ERBB4: variants seen among roughly 807,000 people sequenced by gnomAD.
ERBB4 encodes erb-b2 receptor tyrosine kinase 4, also known as receptor tyrosine-protein kinase erbB-4.
A neutral mutation model predicts 158.0 loss-of-function variants in ERBB4; 42 were observed. The ratio of observed to expected loss-of-function variants is 0.27; its 90% confidence interval spans 0.21 to 0.34. ERBB4 has a LOEUF of 0.34. Among genes scored for constraint, ERBB4 ranks in the 10% least tolerant of loss-of-function variants. The pLI, the probability that ERBB4 is intolerant of heterozygous loss-of-function variation, is 1.00. For missense variants in ERBB4, 1,333 were observed against 1,624.1 expected (o/e 0.82, Z 3.08); for synonymous variants, 583 against 558.7 (o/e 1.04, Z -0.61).
intron 5 of ERBB4, among the ~76,000 whole-genome samples, chr2:211,747,825 T>C (rs1179606423): frequency 6.6e-6 from 1 of 151,766 alleles, no homozygotes; most frequent in Non-Finnish European, 1.5e-5. Context: ...ATATATAATA[T>C]ATAATATGTA....
intron 3 of ERBB4, among the ~76,000 whole-genome samples, chr2:211,882,207 T>TA (rs1210173391): frequency 2.6e-5 from 4 of 151,972 alleles, no homozygotes; most frequent in Non-Finnish European, 5.9e-5. Flanking sequence ...AAAAAAATAA[T>TA]AAAAAAATAA....
chr2:212,010,187 T>C (rs575012913), intron 2 of ERBB4, among the ~76,000 whole-genome samples: 6 of 152,188 alleles, frequency 3.9e-5, no homozygotes, highest in Non-Finnish European at 7.4e-5. Context: ...ATCACAAAGC[T>C]ATATAACCCT....
chr2:211,773,782 G>A (rs1407184828), intron 4 of ERBB4, among the ~76,000 whole-genome samples: 1 of 149,586 alleles, frequency 6.7e-6, no homozygotes, highest in East Asian at 2.0e-4. Flanking sequence ...ATATATAAAG[G>A]AGAAATGTTA....
intron 1 of ERBB4, among the ~76,000 whole-genome samples, chr2:212,261,948 A>G (rs572618000): frequency 6.6e-6 from 1 of 152,286 alleles, no homozygotes; most frequent in South Asian, 2.1e-4. Flanking sequence ...TACAAATGTA[A>G]AAATTTATTT....
chr2:211,953,465 C>CAAAAAAA (rs36024345), intron 2 of ERBB4, among the ~76,000 whole-genome samples: 38 of 85,416 alleles, frequency 4.4e-4, no homozygotes, highest in East Asian at 6.8e-4. Context: ...GGTTTTTCTC[C>CAAAAAAA]AAAAAAAAAA....
intron 20 of ERBB4, among the ~76,000 whole-genome samples, chr2:211,434,776 C>A (rs898184505): frequency 6.6e-6 from 1 of 152,090 alleles, no homozygotes; most frequent in African/African-American, 2.4e-5. Context: ...AGACAGTTTC[C>A]CTCACCCACC....
chr2:211,832,527 T>A (rs1040688575), intron 3 of ERBB4, among the ~76,000 whole-genome samples: 9 of 151,908 alleles, frequency 5.9e-5, no homozygotes, highest in Non-Finnish European at 1.5e-5. Flanking sequence ...TATCAAATAC[T>A]GAAATATGTT....
At chr2:212,056,450 A>C (rs2077572306) in intron 2 of ERBB4, among the ~76,000 whole-genome samples, 1 of 152,172 alleles carries the variant, frequency 6.6e-6, no homozygotes, top group Non-Finnish European at 1.5e-5. Flanking sequence ...ACTCCTCGAG[A>C]AGAGCAGCTC....
chr2:211,995,941 T>G (rs2082191723), intron 2 of ERBB4, among the ~76,000 whole-genome samples: 2 of 152,210 alleles, frequency 1.3e-5, no homozygotes, highest in Admixed American at 1.3e-4. Context: ...AAAAAAGTGT[T>G]CAACATCCAG....
At position 211,750,723 on chromosome 2, in the gene ERBB4, GA is replaced by G. The variant is rs2106209555; in HGVS notation, c.557-20del. 2.5e-6 allele frequency: 4 copies of G among 1,609,254 alleles called. No individual in the cohort carries two copies. The highest frequency in any genetic ancestry group is 2.6e-6 in the Non-Finnish European group (3 of 1,175,672). ...CGTCCACCTGCAGAACACGAAAAGGGAAAAAGGACATGCACGTTATAATCTT... is the reference window on the plus strand; with the variant it reads ...CGTCCACCTGCAGAACACGAAAAGGGAAAAGGACATGCACGTTATAATCTT... On this transcript the variant is annotated intron_variant, in intron 4 of 27. Coordinates refer to ENST00000342788, the MANE Select transcript of ERBB4 (RefSeq NM_005235.3).
intron 1 of ERBB4, among the ~76,000 whole-genome samples, chr2:212,497,912 T>C (rs1205892119): frequency 2.0e-5 from 3 of 152,206 alleles, no homozygotes; most frequent in Non-Finnish European, 4.4e-5. Context: ...TAAAATTTCA[T>C]ATTTCCAAAT....
At chr2:211,626,150 CAT>C (rs1028795973) in intron 17 of ERBB4, among the ~76,000 whole-genome samples, 9 of 152,094 alleles carry the variant, frequency 5.9e-5, no homozygotes, top group African/African-American at 1.7e-4. Context: ...AATGAGATAA[CAT>C]ATGTGGAAAA....
At chr2:211,471,440 T>C (rs1344969222) in intron 20 of ERBB4, among the ~76,000 whole-genome samples, 1 of 152,084 alleles carries the variant, frequency 6.6e-6, no homozygotes, top group Non-Finnish European at 1.5e-5. Flanking sequence ...TAAATAGACA[T>C]AAAAGTGAAA....
chr2:211,725,808 T>C (rs1188999219), intron 5 of ERBB4, among the ~76,000 whole-genome samples: 1 of 147,204 alleles, frequency 6.8e-6, no homozygotes, highest in Non-Finnish European at 1.5e-5. Flanking sequence ...TCACATAATA[T>C]TTTACACGAG....
intron 1 of ERBB4, among the ~76,000 whole-genome samples, chr2:212,500,056 T>A (rs1690800478): frequency 1.3e-5 from 2 of 152,052 alleles, no homozygotes; most frequent in East Asian, 3.8e-4. Flanking sequence ...TTCCCCGGAA[T>A]TTATTTTTTT....
At chr2:211,392,640 A>G (rs2062826279) in intron 25 of ERBB4, among the ~76,000 whole-genome samples, 1 of 150,940 alleles carries the variant, frequency 6.6e-6, no homozygotes, top group African/African-American at 2.4e-5. Context: ...AGAAATATTG[A>G]CTTGGGCTCT....
intron 2 of ERBB4, among the ~76,000 whole-genome samples, chr2:211,967,615 A>T (rs1470380549): frequency 1.3e-5 from 2 of 152,030 alleles, no homozygotes; most frequent in African/African-American, 2.4e-5. Context: ...AAAGGACCAA[A>T]ATTAGATTCA....
chr2:211,772,924 C>CACACACACACACACATATATATAT (rs1181682464), intron 4 of ERBB4, among the ~76,000 whole-genome samples: 6 of 36,722 alleles, frequency 1.6e-4, no homozygotes, highest in African/African-American at 8.9e-4. Flanking sequence ...CACACACACA[C>CACACACACACACACATATATATAT]ATATATATAT....
chr2:212,474,494 C>T (rs1296755289), intron 1 of ERBB4, among the ~76,000 whole-genome samples: 3 of 152,000 alleles, frequency 2.0e-5, no homozygotes, highest in East Asian at 1.9e-4. Flanking sequence ...AAAAAAATAA[C>T]GTGGCACAGA....
Sources: gnomAD v4.1 joint callset for allele counts (sites outside exome capture counted in the v4.1 genomes callset) on GRCh38, gnomAD v4.1.1 for gene constraint, MANE v1.5 for transcripts, NCBI Gene and HGNC (gene_info 2026-07-23, HGNC 2026-07-21) for gene names.